The following TBC1D12 variants were observed in gnomAD, a reference collection of about 807,000 sequenced individuals.
TBC1D12 encodes TBC1 domain family, member 12.
A neutral mutation model predicts 86.7 loss-of-function variants in TBC1D12; 56 were observed. The observed-to-expected ratio is 0.65, with a 90% confidence interval of 0.52 to 0.81. The LOEUF (loss-of-function observed/expected upper bound fraction) is 0.81. Among genes scored for constraint, TBC1D12 ranks in the 30% least tolerant of loss-of-function variants. TBC1D12 has a pLI of 0.00. For missense variants in TBC1D12, 1,023 were observed against 1,038.8 expected, an observed-to-expected ratio of 0.98 and a Z score of 0.21; for synonymous variants, 421 against 411.7, an observed-to-expected ratio of 1.02 and a Z score of -0.27.
chr10:94,452,303 G>C (rs971588233), intron 2 of TBC1D12, among the ~76,000 whole-genome samples: 9 of 151,902 alleles, frequency 5.9e-5, no homozygotes, highest in African/African-American at 1.9e-4. Flanking sequence ...GTCACTCAAA[G>C]TCCATAGTTT....
intron 2 of TBC1D12, among the ~76,000 whole-genome samples, chr10:94,455,203 A>G (rs532462103): frequency 3.7e-4 from 56 of 152,048 alleles, no homozygotes; most frequent in Non-Finnish European, 6.0e-4. Context: ...TTTTTTTTAA[A>G]CATTGAGCCA....
At chr10:94,508,718 C>T (rs2056490535) in intron 7 of TBC1D12, 1 of 151,868 alleles carries the variant, frequency 6.6e-6, no homozygotes, top group African/African-American at 2.4e-5. Context: ...TTATTTTTTT[C>T]TCTAGCGCAT....
rs138825925 is a variant in TBC1D12 at position 94,470,732 on chromosome 10, G to A, written c.1096-3936G>A. Among the ~76,000 whole-genome samples the A allele has an allele frequency of 4.2e-3, 605 of 142,426 alleles. 6 individuals carry two copies. Among genetic ancestry groups the A allele is most frequent in the African/African-American group, 0.015 (577 of 37,826 alleles). 93.4% of individuals were successfully genotyped at this position (142,426 alleles called of 152,430 possible). A position where few individuals can be genotyped will look rare whatever the true frequency, so the allele number is the denominator to read the frequency against. Reference sequence around the variant, plus strand: ...TTTTACTTTTTTTTTTAATCCAGGAGTGCTGCTATATAATTTGTAATTCTG... The same window carrying A: ...TTTTACTTTTTTTTTTAATCCAGGAATGCTGCTATATAATTTGTAATTCTG... On this transcript the variant is annotated intron_variant, in intron 2 of 12. Coordinates refer to ENST00000225235, the MANE Select transcript of TBC1D12 (RefSeq NM_015188.2).
intron 5 of TBC1D12, among the ~76,000 whole-genome samples, chr10:94,497,826 T>C (rs1017459766): frequency 1.9e-4 from 28 of 149,272 alleles, no homozygotes; most frequent in African/African-American, 6.9e-4. Context: ...GTTTTCTTTT[T>C]TTTTTTTTTT....
Position 94,471,121 on chromosome 10 carries a change from C to A in TBC1D12, c.1096-3547C>A, listed in dbSNP as rs148031796. 7.6e-3 allele frequency among the ~76,000 whole-genome samples: 1,150 copies of A among 151,918 alleles called. 16 individuals carry two copies. Among genetic ancestry groups the A allele is most frequent in the African/African-American group, 0.027 (1,100 of 41,428 alleles). On this transcript the variant is annotated intron_variant, in intron 2 of 12. Transcript: ENST00000225235. ...TGAAACCCTGTCTCTATGAAAAATA[C>A]AAAAATTAGCCGGGCATGGTGGCAC...
chr10:94,509,061 T>C (rs1451142191), intron 7 of TBC1D12: 1 of 151,770 alleles, frequency 6.6e-6, no homozygotes, highest in Non-Finnish European at 1.5e-5. Flanking sequence ...TAGGTTTAGA[T>C]AGACTTAGTT....
rs1589661039 is a variant in TBC1D12, at chr10:94,500,282, A to G, written c.1474A>G (p.Lys492Glu). 1 of 1,613,862 alleles carries G rather than the reference A, an allele frequency of 6.2e-7. No individual in the cohort carries two copies. The highest frequency in any genetic ancestry group is 1.3e-5 in the African/African-American group (1 of 74,896). The change falls in exon 6 of 13, where the codon AAA becomes GAA. Residue 492 changes from lysine to glutamate, a missense_variant. Coordinates refer to ENST00000225235, the MANE Select transcript of TBC1D12 (RefSeq NM_015188.2). The stretch of plus-strand genomic sequence containing the variant: ...GGGATTGCCCCCTAGTGTCCGTGGG[A>G]AAGTTTGGAGTCTAGCTGTAGGAAA... The part of the protein sequence containing the change: ...WQGLPPSVRG[K>E]VWSLAVGNEL...
intron 11 of TBC1D12, among the ~76,000 whole-genome samples, chr10:94,523,161 G>A (rs1013949161): frequency 8.2e-5 from 10 of 122,404 alleles, no homozygotes; most frequent in African/African-American, 3.1e-4. Context: ...CCCCAGCACT[G>A]CAGCCTGGAC....
chr10:94,500,406 C>T lies in TBC1D12; in HGVS notation c.1519+79C>T, dbSNP rs921348794. ...TTACATAGCAGATTAGTAGAGTGAC[C>T]ATTAAAATAAATGGCCTTTATCATA... On this transcript the variant is annotated intron_variant, in intron 6 of 12. Coordinates refer to ENST00000225235, the MANE Select transcript of TBC1D12 (RefSeq NM_015188.2). 2.5e-6 allele frequency: 3 copies of T among 1,193,486 alleles called. No individual in the cohort carries two copies. In the African/African-American group the frequency reaches 4.6e-5, roughly 18 times the overall value. 73.9% of individuals were successfully genotyped at this position (1,193,486 alleles called of 1,614,324 possible).
chr10:94,403,517 G>T lies in TBC1D12; in HGVS notation c.904G>T (p.Glu302Ter). 6.4e-7 allele frequency: 1 copy of T among 1,563,124 alleles called. No homozygotes were observed. The highest frequency in any genetic ancestry group is 8.6e-7 in the Non-Finnish European group (1 of 1,159,100). The change falls in exon 1 of 13, where the codon GAG becomes TAG. Residue 302 changes from glutamate (E) to a stop codon, truncating the protein, a stop_gained. Coordinates refer to ENST00000225235, the MANE Select transcript of TBC1D12 (RefSeq NM_015188.2). LOFTEE classifies it high-confidence loss of function. The stretch of plus-strand genomic sequence containing the variant: ...GCCGCCGGTGCCCTTGCCCGCCGCG[G>T]AGCAGGGTCCTGCGGGGGCTTCGGC... ...AGPPVPLPAA[E>*]QGPAGASARA...
chr10:94,494,331 T>A (rs1225532186), intron 4 of TBC1D12, among the ~76,000 whole-genome samples: 1 of 152,178 alleles, frequency 6.6e-6, no homozygotes, highest in Non-Finnish European at 1.5e-5. Context: ...TTTTTTCCTT[T>A]GACTTAAGTT....
intron 9 of TBC1D12, among the ~76,000 whole-genome samples, chr10:94,512,289 A>AT (rs11462611): frequency 0.41 from 62,418 of 151,976 alleles, 13,237 homozygotes; most frequent in East Asian, 0.73. Context: ...GTTAATATTT[A>AT]TTTTTTCTTT....
intron 2 of TBC1D12, among the ~76,000 whole-genome samples, chr10:94,444,165 A>C (rs2055418499): frequency 2.0e-5 from 3 of 149,434 alleles, no homozygotes; most frequent in Admixed American, 2.0e-4. Flanking sequence ...GCAAGACTCC[A>C]TCTCAAGAAA....
At chr10:94,416,885 T>C (rs1348729061) in intron 1 of TBC1D12, among the ~76,000 whole-genome samples, 1 of 152,158 alleles carries the variant, frequency 6.6e-6, no homozygotes, top group Admixed American at 6.5e-5. Context: ...TATAGAATTA[T>C]ATATAAAATA....
intron 2 of TBC1D12, among the ~76,000 whole-genome samples, chr10:94,468,551 C>A (rs2134135462): frequency 6.6e-6 from 1 of 151,938 alleles, no homozygotes; most frequent in South Asian, 2.1e-4. Context: ...GGGGAAAAGT[C>A]TTGTAATTGT....
At chr10:94,519,494 C>G (rs1433263214) in intron 9 of TBC1D12, among the ~76,000 whole-genome samples, 1 of 152,084 alleles carries the variant, frequency 6.6e-6, no homozygotes, top group African/African-American at 2.4e-5. Context: ...GAGTTTGAGA[C>G]CAGCCTGGGC....
chr10:94,496,370 C>T (rs1384042175), intron 4 of TBC1D12, among the ~76,000 whole-genome samples: 1 of 151,990 alleles, frequency 6.6e-6, no homozygotes, highest in African/African-American at 2.4e-5. Context: ...AAGAGATGTA[C>T]TGTTAATATA....
chr10:94,403,303 C>G lies in TBC1D12; in HGVS notation c.690C>G (p.Ser230Arg), dbSNP rs759228860. The G allele has an allele frequency of 3.4e-5, 52 of 1,510,838 alleles. No individual in the cohort carries two copies. Among genetic ancestry groups the G allele is most frequent in the Non-Finnish European group, 4.3e-5 (49 of 1,130,788 alleles). 93.6% of individuals were successfully genotyped at this position (1,510,838 alleles called of 1,614,324 possible). The change falls in exon 1 of 13, where the codon AGC (serine) becomes AGG (arginine). Residue 230 changes from serine to arginine, a missense_variant. By Grantham distance (110) the Ser-to-Arg change is moderately radical. Around this residue, in one of 2 missense-constraint regions of TBC1D12, gnomAD observed 628 missense variants for 531.1 expected, o/e 1.18. Transcript: ENST00000225235. ...GCCCCGCCAGCAGCTGCAGCAGTAGCGAGGACTCAGAGCAGCGGGGAGTCG... is the reference window on the plus strand; with the variant it reads ...GCCCCGCCAGCAGCTGCAGCAGTAGGGAGGACTCAGAGCAGCGGGGAGTCG... The part of the protein sequence containing the change: ...GDSPASSCSS[S>R]EDSEQRGVGA...
rs33935088 is a variant in TBC1D12, at chr10:94,523,192, CAAAAAA to C, written c.2000+759_2000+764del. On this transcript the variant is annotated intron_variant, in intron 11 of 12. Coordinates refer to ENST00000225235, the MANE Select transcript of TBC1D12 (RefSeq NM_015188.2). The stretch of plus-strand genomic sequence containing the variant: ...TGGACAACAGAGCGAAACTCTATCT[CAAAAAA>C]AAAAAAAAAAAAAAAAAAAGAGCAT... Among the ~76,000 whole-genome samples the C allele has an allele frequency of 3.9e-4, 17 of 44,108 alleles. No homozygotes were observed. The South Asian group carries it at 5.9e-3, about 15-fold the overall frequency. 28.9% of individuals were successfully genotyped at this position (44,108 alleles called of 152,430 possible). A position where few individuals can be genotyped will look rare whatever the true frequency, so the allele number is the denominator to read the frequency against.
Sources: gnomAD v4.1 joint callset for allele counts (sites outside exome capture counted in the v4.1 genomes callset) on GRCh38, gnomAD v4.1.1 for gene constraint, gnomAD v4.1.1 regional missense constraint, MANE v1.5 for transcripts, NCBI Gene and HGNC (gene_info 2026-07-23, HGNC 2026-07-21) for gene names.